Variants in IYD observed in about 807,000 individuals in gnomAD.
IYD encodes iodotyrosine deiodinase.
In IYD, 25 loss-of-function variants were observed where a neutral mutation model predicts 28.4. The ratio of observed to expected loss-of-function variants is 0.88; its 90% CI spans 0.64 to 1.23. The LOEUF is 1.23. Among genes scored for constraint, IYD ranks in the 50% most tolerant of loss-of-function variants. IYD has a pLI of 0.00. For synonymous variants in IYD, 140 were observed against 130.8 expected (o/e 1.07, Z -0.48); for missense variants, 352 against 357.9 (o/e 0.98, Z 0.13).
At position 150,403,637 on chromosome 6, in the gene IYD, C is replaced by G. The variant is rs1004479249; in HGVS notation, c.*5400C>G. ...GGGGCAGGCTCAAGGGAGAACAGCC[C>G]CCAAAGCTAAGATCCTGCCAAGCTA... is the stretch of plus-strand genomic sequence containing the variant. On this transcript the variant is annotated 3_prime_UTR_variant, in exon 5 of 5. Coordinates refer to ENST00000344419, the MANE Select transcript of IYD (RefSeq NM_203395.3). 1.3e-5 allele frequency: 2 copies of G among 152,190 alleles called. No individual in the cohort carries two copies. The highest frequency in any genetic ancestry group is 2.9e-5 in the Non-Finnish European group (2 of 68,054). The allele number at this position is 152,190 out of a possible 1,614,324, so 9.4% of individuals were successfully genotyped here.
At chr6:150,388,049 T>C (rs1486897048) in intron 1 of IYD, among the ~76,000 whole-genome samples, 1 of 152,220 alleles carries the variant, frequency 6.6e-6, no homozygotes, top group African/African-American at 2.4e-5. Flanking sequence ...TTTATGTGCC[T>C]GATTGCATTT....
At position 150,386,582 on chromosome 6, in the gene IYD, T is replaced by C. The variant is rs142469421; in HGVS notation, c.179-2770T>C. 2.4e-3 allele frequency among the ~76,000 whole-genome samples: 368 copies of C among 152,282 alleles called. 2 individuals are homozygous for C. Among genetic ancestry groups the C allele is most frequent in the Middle Eastern group, 0.01 (3 of 294 alleles). On this transcript the variant is annotated intron_variant, in intron 1 of 4. Transcript: ENST00000344419. ...TTAAAATCTTCTGTATCCTTACTGATTTTTTTCTTCTGCTTATTCTATCAT... is the reference window on the plus strand; with the variant it reads ...TTAAAATCTTCTGTATCCTTACTGACTTTTTTCTTCTGCTTATTCTATCAT...
intron 1 of IYD, among the ~76,000 whole-genome samples, chr6:150,372,489 A>G (rs190561861): frequency 7.3e-4 from 15 of 20,688 alleles, no homozygotes; most frequent in African/African-American, 2.0e-3. Flanking sequence ...GTCCATGCTT[A>G]TTAGACATGT....
At chr6:150,370,156 T>C (rs1387856685) in intron 1 of IYD, 1 of 652,542 alleles carries the variant, frequency 1.5e-6, no homozygotes, top group African/African-American at 1.8e-5. Context: ...CACCTGGACA[T>C]GTGAGTGTGT....
chr6:150,384,986 T>G (rs1304821100), intron 1 of IYD: 1 of 152,192 alleles, frequency 6.6e-6, no homozygotes, highest in Non-Finnish European at 1.5e-5. Flanking sequence ...GCTCCAGTGA[T>G]TGACCCTTCT....
At position 150,402,753 on chromosome 6, in the gene IYD, T is replaced by C. The variant is rs570505306; in HGVS notation, c.*4516T>C. The C allele has an allele frequency of 5.9e-5, 9 of 152,322 alleles. 1 individual carries two copies. In the South Asian group the frequency reaches 1.9e-3, roughly 32 times the overall value. 9.4% of individuals were successfully genotyped at this position (152,322 alleles called of 1,614,324 possible). On this transcript the variant is annotated 3_prime_UTR_variant, in exon 5 of 5. Coordinates refer to ENST00000344419, the MANE Select transcript of IYD (RefSeq NM_203395.3). ...TCTGTCCACAAAATGGAAACTTCCA[T>C]CAAGGAGTACTGGAGGACAGTTCAG...
At chr6:150,394,557 G>C (rs1013995555) in intron 4 of IYD, among the ~76,000 whole-genome samples, 5 of 152,192 alleles carry the variant, frequency 3.3e-5, no homozygotes, top group African/African-American at 1.2e-4. Context: ...GAGCCTAAAA[G>C]TCACAGAGGC....
In IYD at chr6:150,381,180, T is replaced by C. The variant is rs184795282; in HGVS notation, c.179-8172T>C. Reference sequence around the variant, plus strand: ...TTAAACTCCAAATCTTTCTTGAAAGTATTGATATTTTAAACACGAAACAGA... The same window carrying C: ...TTAAACTCCAAATCTTTCTTGAAAGCATTGATATTTTAAACACGAAACAGA... On this transcript the variant is annotated intron_variant, in intron 1 of 4. Transcript: ENST00000344419. Among the ~76,000 whole-genome samples the C allele has an allele frequency of 9.8e-5, 15 of 152,314 alleles. No individual in the cohort carries two copies. The East Asian group carries it at 2.9e-3, about 29-fold the overall frequency.
intron 1 of IYD, among the ~76,000 whole-genome samples, chr6:150,377,486 C>A (rs937955334): frequency 7.9e-5 from 12 of 152,334 alleles, no homozygotes; most frequent in African/African-American, 2.9e-4. Context: ...CCCGGCTGTG[C>A]ACTGCTCCGA....
intron 1 of IYD, among the ~76,000 whole-genome samples, chr6:150,375,081 G>A (rs1777398349): frequency 6.6e-6 from 1 of 152,162 alleles, no homozygotes; most frequent in Non-Finnish European, 1.5e-5. Flanking sequence ...TGCTACTAAT[G>A]AAATAATCCA....
intron 3 of IYD, 70 bp downstream of exon 3, chr6:150,392,574 TC>T: frequency 6.7e-7 from 1 of 1,493,256 alleles, no homozygotes; most frequent in Non-Finnish European, 9.3e-7. Flanking sequence ...CACCACCATG[TC>T]CTGGCTTTGT....
intron 1 of IYD, among the ~76,000 whole-genome samples, chr6:150,388,658 T>G (rs375343260): frequency 2.1e-5 from 3 of 141,944 alleles, no homozygotes; most frequent in African/African-American, 5.2e-5. Context: ...TTTCTTTCTT[T>G]CTTTCTTTCT....
At position 150,392,294 on chromosome 6, in the gene IYD, C is replaced by G. The variant is rs1202810836; in HGVS notation, c.371-51C>G. On this transcript the variant is annotated intron_variant, in intron 2 of 4. Coordinates refer to ENST00000344419, the MANE Select transcript of IYD (RefSeq NM_203395.3). ...GATGAGCCTCTCCTTAATTAGCAGTCTCACACTTTCCTGCAGTTTTAATTT... is the reference window on the plus strand; with the variant it reads ...GATGAGCCTCTCCTTAATTAGCAGTGTCACACTTTCCTGCAGTTTTAATTT... 8 of 1,610,180 alleles carry G rather than the reference C, an allele frequency of 5.0e-6. No individual in the cohort carries two copies. In the African/African-American group the frequency reaches 6.7e-5, roughly 13 times the overall value.
intron 3 of IYD, among the ~76,000 whole-genome samples, chr6:150,393,521 T>C (rs529567405): frequency 1.3e-5 from 2 of 152,340 alleles, no homozygotes; most frequent in East Asian, 1.9e-4. Flanking sequence ...TAATGAATGA[T>C]ATAAGATATC....
chr6:150,387,199 A>G (rs1318881550), intron 1 of IYD, among the ~76,000 whole-genome samples: 2 of 152,226 alleles, frequency 1.3e-5, no homozygotes, highest in South Asian at 4.2e-4. Flanking sequence ...GTCAGGATCA[A>G]TTATGAACCT....
intron 1 of IYD, among the ~76,000 whole-genome samples, chr6:150,376,933 CTTTTG>C (rs1777465038): frequency 6.6e-6 from 1 of 152,166 alleles, no homozygotes; most frequent in South Asian, 2.1e-4. Flanking sequence ...AATTACATTT[CTTTTG>C]GAAAGAAATG....
At position 150,402,454 on chromosome 6, in the gene IYD, T is replaced by C. The variant is rs1241022286; in HGVS notation, c.*4217T>C. On this transcript the variant is annotated 3_prime_UTR_variant, in exon 5 of 5. Transcript: ENST00000344419. ...GGAAGGAGGCCCAGATGTGTGTAGG[T>C]GCTGGATGTCTCTTCCCCAAAACAT... 1.3e-5 allele frequency: 2 copies of C among 152,200 alleles called. No individual in the cohort carries two copies. Among genetic ancestry groups the C allele is most frequent in the African/African-American group, 2.4e-5 (1 of 41,444 alleles). 9.4% of individuals were successfully genotyped at this position (152,200 alleles called of 1,614,324 possible).
chr6:150,385,332 T>C (rs922970378), intron 1 of IYD, among the ~76,000 whole-genome samples: 4 of 152,146 alleles, frequency 2.6e-5, no homozygotes, highest in Non-Finnish European at 4.4e-5. Flanking sequence ...ATCATTACCA[T>C]AGCTGGATGT....
At chr6:150,377,678 T>G (rs1777499592) in intron 1 of IYD, among the ~76,000 whole-genome samples, 1 of 152,220 alleles carries the variant, frequency 6.6e-6, no homozygotes, top group Admixed American at 6.5e-5. Flanking sequence ...TTAGACTGCT[T>G]TCAGTTTTTA....
Sources: gnomAD v4.1 joint callset for allele counts (sites outside exome capture counted in the v4.1 genomes callset) on GRCh38, gnomAD v4.1.1 for gene constraint, MANE v1.5 for transcripts, NCBI Gene and HGNC (gene_info 2026-07-23, HGNC 2026-07-21) for gene names.